Variants in GOLGA8S observed in about 807,000 individuals in gnomAD.
GOLGA8S encodes the protein golgin subfamily A member 8S.
In GOLGA8S, 23 loss-of-function variants were observed where a neutral mutation model predicts 58.9. The observed-to-expected ratio is 0.39, with a 90% CI of 0.28 to 0.55. GOLGA8S has a LOEUF of 0.55. GOLGA8S is among the 20% of genes least tolerant of loss of function. The pLI is 0.63. For synonymous variants in GOLGA8S, 84 were observed against 195.7 expected (o/e 0.43, Z 4.76); for missense variants, 266 against 514.2 (o/e 0.52, Z 4.67).
At chr15:23,360,590 A>G in intron 10 of GOLGA8S, 58 bp downstream of exon 10, 2 of 1,038,720 alleles carry the variant, frequency 1.9e-6, no homozygotes, top group East Asian at 4.7e-5. Flanking sequence ...CTTTCTGGGC[A>G]CCTGTAAAAT....
At position 23,364,437 on chromosome 15, in the gene GOLGA8S, G is replaced by A. The variant is rs772641651; in HGVS notation, c.1442G>A (p.Cys481Tyr). ...TTCATTCAATACTGGCAAGAGAGAT[G>A]CCATCAGTGAGTGGGAGGCCAGGGC... Residue 481 changes from cysteine (C) to tyrosine (Y), a missense_variant, in exon 16 of 19, where the codon TGC becomes TAC. By Grantham distance (194) the Cys-to-Tyr change is radical. Coordinates refer to ENST00000562295, the Ensembl canonical transcript of GOLGA8S. 1,040 of 1,605,198 alleles carry A rather than the reference G, an allele frequency of 6.5e-4. 9 individuals carry two copies. In the Middle Eastern group the frequency reaches 0.011, roughly 17 times the overall value.
intron 11 of GOLGA8S, 149 bp from the exon 12 acceptor site, chr15:23,361,072 A>C (rs1267067365): frequency 1.9e-5 from 16 of 829,152 alleles, no homozygotes; most frequent in Non-Finnish European, 2.6e-5. Flanking sequence ...GGGTGCGAGG[A>C]ATCATTAGCA....
Position 23,361,473 on chromosome 15 carries a change from G to A in GOLGA8S, c.1110+17G>A, listed in dbSNP as rs1446839772. 1 of 772,316 alleles carries A rather than the reference G, an allele frequency of 1.3e-6. No individual in the cohort carries two copies. Among genetic ancestry groups the A allele is most frequent in the East Asian group, 2.4e-5 (1 of 41,188 alleles). The allele number at this position is 772,316 out of a possible 1,614,324, so 47.8% of individuals were successfully genotyped here. A position where few individuals can be genotyped will look rare whatever the true frequency, so the allele number is the denominator to read the frequency against. ...AAGGAGCTGGTGCGTTGCCCCAGCT[G>A]GGGAGCCTGCCCTCCTCCCTAGCCC... On this transcript the variant is annotated intron_variant, in intron 12 of 18. Coordinates refer to ENST00000562295, the Ensembl canonical transcript of GOLGA8S.
intron 12 of GOLGA8S, 65 bp from the exon 13 acceptor site, chr15:23,361,659 G>T: frequency 1.6e-6 from 1 of 630,638 alleles, no homozygotes; most frequent in South Asian, 1.8e-5. Context: ...GCCATGGGAG[G>T]CAGTCACCAA....
chr15:23,357,906 T>G (rs1808956), intron 4 of GOLGA8S, among the ~76,000 whole-genome samples: 6,304 of 119,696 alleles, frequency 0.053, 221 homozygotes, highest in African/African-American at 0.081. Context: ...GTTGTCAGGG[T>G]CCCTGTATTT....
At chr15:23,368,066 A>T (rs1005478169), downstream of GOLGA8S, among the ~76,000 whole-genome samples, 9 of 151,982 alleles carry the variant, frequency 5.9e-5, no homozygotes, top group Admixed American at 4.6e-4. Flanking sequence ...ATGTTCTGAA[A>T]TAAGTTAAAA....
Position 23,364,340 on chromosome 15 carries a change from C to A in GOLGA8S, c.1348-3C>A, listed in dbSNP as rs1395679781. On this transcript the variant is annotated splice_region_variant and splice_polypyrimidine_tract_variant and intron_variant, in intron 15 of 18. Coordinates refer to ENST00000562295, the Ensembl canonical transcript of GOLGA8S. ...AGATGTGACTACAATATTTTGGCTCCAGAGCAGCTTTATGGACCACCTGGA... is the reference window on the plus strand; with the variant it reads ...AGATGTGACTACAATATTTTGGCTCAAGAGCAGCTTTATGGACCACCTGGA... 3.1e-6 allele frequency: 5 copies of A among 1,601,900 alleles called. No individual in the cohort carries two copies. Among genetic ancestry groups the A allele is most frequent in the Non-Finnish European group, 4.2e-6 (5 of 1,179,424 alleles).
chr15:23,361,470 G>T lies in GOLGA8S; in HGVS notation c.1110+14G>T, dbSNP rs755128655. The T allele has an allele frequency of 2.1e-5, 16 of 773,300 alleles. No homozygotes were observed. Among genetic ancestry groups the T allele is most frequent in the Admixed American group, 1.9e-4 (11 of 58,346 alleles). The allele number at this position is 773,300 out of a possible 1,614,324, so 47.9% of individuals were successfully genotyped here. A position where few individuals can be genotyped will look rare whatever the true frequency, so the allele number is the denominator to read the frequency against. On this transcript the variant is annotated intron_variant, in intron 12 of 18. Transcript: ENST00000562295. ...TTCAAGGAGCTGGTGCGTTGCCCCA[G>T]CTGGGGAGCCTGCCCTCCTCCCTAG...
At chr15:23,364,819 GCCCGGTCCAGGAGCCCCAGCC>G in exon 18 of GOLGA8S, 2 of 1,514,790 alleles carry the variant, frequency 1.3e-6, no homozygotes, top group Non-Finnish European at 1.8e-6. Context: ...CTGCTGATGA[GCCCGGTCCAGGAGCCCCAGCC>G]CCCCAGGAGC....
downstream of GOLGA8S, chr15:23,365,820 T>C (rs2141032214): frequency 6.2e-6 from 1 of 160,002 alleles, no homozygotes; most frequent in Middle Eastern, 3.4e-3. Context: ...AGAGTGTGTT[T>C]CATCTGTTCC....
chr15:23,364,016 T>G (rs1162242898), intron 15 of GOLGA8S, among the ~76,000 whole-genome samples: 1 of 137,466 alleles, frequency 7.3e-6, no homozygotes, highest in Non-Finnish European at 1.6e-5. Flanking sequence ...GCTCACATCT[T>G]GCCCTCAGGT....
chr15:23,359,748 T>A (rs1463212188), intron 8 of GOLGA8S, among the ~76,000 whole-genome samples: 1 of 142,972 alleles, frequency 7.0e-6, no homozygotes. Context: ...CCTTCCTAGC[T>A]GTGCCCCCAC....
Position 23,364,521 on chromosome 15 carries a change from C to G in GOLGA8S, c.1449-5C>G, listed in dbSNP as rs565120055. On this transcript the variant is annotated splice_region_variant and splice_polypyrimidine_tract_variant and intron_variant, in intron 16 of 18. Transcript: ENST00000562295. ...CCCCAGCGTCTGAGCCCTGTCCTCC[C>G]GCAGGAAAATCCATCACCTTTTATC... 3 of 1,602,604 alleles carry G rather than the reference C, an allele frequency of 1.9e-6. No homozygotes were observed. Among genetic ancestry groups the G allele is most frequent in the Admixed American group, 3.3e-5 (2 of 59,902 alleles).
chr15:23,364,067 C>T (rs1177901100), intron 15 of GOLGA8S, among the ~76,000 whole-genome samples: 1 of 136,050 alleles, frequency 7.4e-6, no homozygotes, highest in Non-Finnish European at 1.6e-5. Context: ...CCAGGAGAAG[C>T]AGGCACAGTT....
rs1567268372 is a variant in GOLGA8S, at chr15:23,361,265, GA to G, written c.920del (p.Glu307GlyfsTer5). On this transcript the variant is annotated frameshift_variant, in exon 12 of 19. Transcript: ENST00000562295. LOFTEE classifies it high-confidence loss of function. Reference sequence around the variant, plus strand: ...GCCCCCAGCAGTGCCCTCTGAGGCGGAGCTGCAGCACCTGAGGAAGGAACTA... The same window carrying G: ...GCCCCCAGCAGTGCCCTCTGAGGCGGGCTGCAGCACCTGAGGAAGGAACTA... 1 of 1,496,140 alleles carries G rather than the reference GA, an allele frequency of 6.7e-7. No individual in the cohort carries two copies. The highest frequency in any genetic ancestry group is 2.3e-5 in the East Asian group (1 of 44,406). 92.7% of individuals were successfully genotyped at this position (1,496,140 alleles called of 1,614,324 possible). A position where few individuals can be genotyped will look rare whatever the true frequency, so the allele number is the denominator to read the frequency against.
At chr15:23,360,277 T>G in exon 9 of GOLGA8S, 1 of 1,246,098 alleles carries the variant, frequency 8.0e-7, no homozygotes, top group Non-Finnish European at 1.2e-6. Flanking sequence ...GTTAGAGCAG[T>G]CCATGCGGGA....
downstream of GOLGA8S, among the ~76,000 whole-genome samples, chr15:23,367,749 T>C (rs1242290427): frequency 6.6e-6 from 1 of 151,878 alleles, no homozygotes; most frequent in African/African-American, 2.4e-5. Flanking sequence ...GAAGGCAACA[T>C]TGGAATGTTA....
downstream of GOLGA8S, chr15:23,366,426 ATACT>A (rs1444164120): frequency 3.6e-4 from 55 of 151,972 alleles, 1 homozygote; most frequent in African/African-American, 1.3e-3. Flanking sequence ...TATATGTGAG[ATACT>A]TAGTTGAAAC....
At chr15:23,359,400 T>C in intron 8 of GOLGA8S, among the ~76,000 whole-genome samples, 191 bp downstream of exon 8, 2 of 146,402 alleles carry the variant, frequency 1.4e-5, no homozygotes, top group Non-Finnish European at 3.0e-5. Flanking sequence ...TGGGGGGCAC[T>C]CTGGGGACAA....
Sources: allele counts gnomAD v4.1 joint callset (sites outside exome capture counted in the v4.1 genomes callset), GRCh38; gene constraint gnomAD v4.1.1; transcripts MANE v1.5; gene names NCBI Gene and HGNC (gene_info 2026-07-23, HGNC 2026-07-21).